The following CDK17 variants were observed in gnomAD, a reference collection of about 807,000 sequenced individuals.
CDK17 encodes cyclin-dependent kinase 17.
In CDK17, 24 loss-of-function variants were observed where a neutral mutation model predicts 77.6. That is an observed-to-expected ratio of 0.31 (90% CI 0.22 to 0.44). The LOEUF is 0.44. CDK17 is among the 20% of genes least tolerant of loss of function. The pLI is 1.00. For synonymous variants in CDK17, 203 were observed against 210.4 expected (o/e 0.96, Z 0.30); for missense variants, 429 against 622.5 (o/e 0.69, Z 3.31).
In CDK17 at chr12:96,279,536, AAAAT is replaced by A. The variant is rs1468952714; in HGVS notation, c.*702_*705del. On this transcript the variant is annotated 3_prime_UTR_variant, in exon 17 of 17. Coordinates refer to ENST00000261211, the MANE Select transcript of CDK17 (RefSeq NM_002595.5). ...CGTTTCTAAAGTGAGGAACACATAA[AAAAT>A]AAATAATTTTGGAGCTTTAATTTGT... 2 of 152,228 alleles carry A rather than the reference AAAAT, an allele frequency of 1.3e-5. No individual in the cohort carries two copies. The highest frequency in any genetic ancestry group is 2.9e-5 in the Non-Finnish European group (2 of 68,034). 9.4% of individuals were successfully genotyped at this position (152,228 alleles called of 1,614,324 possible).
chr12:96,365,140 C>T, intron 1 of CDK17, among the ~76,000 whole-genome samples: 1 of 152,094 alleles, frequency 6.6e-6, no homozygotes, highest in East Asian at 1.9e-4. Context: ...AATAAAATTG[C>T]TTTTTTCTCA....
chr12:96,314,853 C>A (rs1481737374), intron 3 of CDK17, among the ~76,000 whole-genome samples: 1 of 152,164 alleles, frequency 6.6e-6, no homozygotes, highest in East Asian at 1.9e-4. Context: ...TGAGATCAGG[C>A]TTAGTCTTCA....
chr12:96,298,200 T>C (rs530338911), intron 7 of CDK17, among the ~76,000 whole-genome samples: 29 of 151,620 alleles, frequency 1.9e-4, no homozygotes, highest in African/African-American at 6.8e-4. Context: ...GGCAGGAGAA[T>C]GGCGTGAACC....
In CDK17 at chr12:96,279,481, G is replaced by A. The variant is rs975668532; in HGVS notation, c.*761C>T. ...CAATGTAAAATAGGTAAGTGTATTAGTATACAAATATCCAGTAATATGCAG... is the reference window on the plus strand; with the variant it reads ...CAATGTAAAATAGGTAAGTGTATTAATATACAAATATCCAGTAATATGCAG... On this transcript the variant is annotated 3_prime_UTR_variant, in exon 17 of 17. Transcript: ENST00000261211. 3 of 152,206 alleles carry A rather than the reference G, an allele frequency of 2.0e-5. No homozygotes were observed. The highest frequency in any genetic ancestry group is 2.4e-5 in the African/African-American group (1 of 41,458). 9.4% of individuals were successfully genotyped at this position (152,206 alleles called of 1,614,324 possible).
chr12:96,282,242 T>C, intron 15 of CDK17: 1 of 312,240 alleles, frequency 3.2e-6, no homozygotes, highest in East Asian at 5.3e-5. Flanking sequence ...AGATGGCATG[T>C]TTCAACTAAA....
intron 1 of CDK17, among the ~76,000 whole-genome samples, chr12:96,354,900 G>A (rs1433292354): frequency 4.6e-5 from 7 of 151,696 alleles, no homozygotes; most frequent in South Asian, 2.1e-4. Context: ...AAAAAATTTC[G>A]AGCATCCTAA....
intron 1 of CDK17, among the ~76,000 whole-genome samples, chr12:96,386,201 G>T (rs1953971499): frequency 6.6e-6 from 1 of 152,162 alleles, no homozygotes; most frequent in Non-Finnish European, 1.5e-5. Context: ...TTGCCATGTT[G>T]CCCAGGCTTG....
chr12:96,293,373 C>A (rs1259795476), intron 10 of CDK17, among the ~76,000 whole-genome samples: 1 of 152,158 alleles, frequency 6.6e-6, no homozygotes, highest in African/African-American at 2.4e-5. Flanking sequence ...CTGGATTCCA[C>A]ATCTGTTTTT....
intron 6 of CDK17, 29 bp from the exon 7 acceptor site, chr12:96,299,012 C>T: frequency 9.1e-7 from 1 of 1,098,876 alleles, no homozygotes; most frequent in Middle Eastern, 2.1e-4. Flanking sequence ...AAGGACGCAT[C>T]AAAAGTATCA....
intron 1 of CDK17, among the ~76,000 whole-genome samples, chr12:96,377,899 T>G (rs890264806): frequency 1.3e-5 from 2 of 152,170 alleles, no homozygotes; most frequent in Admixed American, 1.3e-4. Context: ...TTCACCGTGT[T>G]AGCCAGGATG....
chr12:96,307,256 T>C (rs890519220), intron 5 of CDK17, among the ~76,000 whole-genome samples: 2 of 152,124 alleles, frequency 1.3e-5, no homozygotes, highest in Admixed American at 6.5e-5. Context: ...GATCATGCCA[T>C]TGCACTCCAG....
intron 5 of CDK17, among the ~76,000 whole-genome samples, chr12:96,306,867 T>C (rs1470511133): frequency 6.6e-6 from 1 of 152,214 alleles, no homozygotes; most frequent in Non-Finnish European, 1.5e-5. Flanking sequence ...TTTTGAAGAA[T>C]AATTTTTAAT....
intron 1 of CDK17, among the ~76,000 whole-genome samples, chr12:96,391,719 A>G (rs73235121): frequency 0.012 from 1,876 of 152,294 alleles, 13 homozygotes; most frequent in Non-Finnish European, 0.019. Flanking sequence ...AAAAGACAAC[A>G]ATCTTTGAAG....
chr12:96,288,337 C>A (rs1952273388), intron 11 of CDK17, among the ~76,000 whole-genome samples: 1 of 152,064 alleles, frequency 6.6e-6, no homozygotes, highest in African/African-American at 2.4e-5. Flanking sequence ...GAGGAAGGAA[C>A]TGCCAACAGA....
chr12:96,297,452 C>T (rs1952424443), intron 8 of CDK17, 120 bp from the exon 9 acceptor site: 2 of 749,828 alleles, frequency 2.7e-6, no homozygotes, highest in Admixed American at 5.5e-5. Context: ...ATGCACCATA[C>T]ACATAATTTA....
chr12:96,293,153 A>G (rs1163815283), intron 10 of CDK17, among the ~76,000 whole-genome samples: 1 of 152,208 alleles, frequency 6.6e-6, no homozygotes, highest in Non-Finnish European at 1.5e-5. Flanking sequence ...TTTTTTTATA[A>G]AAACAAAACA....
chr12:96,312,106 G>A (rs902404428), intron 4 of CDK17, among the ~76,000 whole-genome samples: 2 of 151,990 alleles, frequency 1.3e-5, no homozygotes, highest in Non-Finnish European at 2.9e-5. Context: ...GTGAAACCCT[G>A]TCTCTACAAA....
At chr12:96,338,003 A>G (rs1311130314) in intron 1 of CDK17, among the ~76,000 whole-genome samples, 3 of 152,208 alleles carry the variant, frequency 2.0e-5, no homozygotes, top group Non-Finnish European at 4.4e-5. Context: ...TAATCTATAT[A>G]AACAATATGA....
At chr12:96,298,126 T>G (rs138253718) in intron 7 of CDK17, among the ~76,000 whole-genome samples, 1,538 of 151,652 alleles carry the variant, frequency 0.01, 45 homozygotes, top group Admixed American at 0.062. Flanking sequence ...TACTAAAAAA[T>G]ACAAAAAAAA....
Sources: gnomAD v4.1 joint callset for allele counts (sites outside exome capture counted in the v4.1 genomes callset) on GRCh38, gnomAD v4.1.1 for gene constraint, MANE v1.5 for transcripts, NCBI Gene and HGNC (gene_info 2026-07-23, HGNC 2026-07-21) for gene names.